Variants in PLB1 observed in about 807,000 individuals in gnomAD.
The protein encoded by PLB1 is phospholipase B1, membrane-associated.
Under a neutral mutation model 227.4 loss-of-function variants are expected in PLB1, and 242 were observed. The ratio of observed to expected loss-of-function variants is 1.06; its 90% CI spans 0.96 to 1.18. The LOEUF (loss-of-function observed/expected upper bound fraction) is 1.18. Among genes scored for constraint, PLB1 ranks in the 50% most tolerant of loss-of-function variants. PLB1 has a pLI of 0.00. For missense variants in PLB1, 1,858 were observed against 1,816.3 expected (o/e 1.02, Z -0.42); for synonymous variants, 757 against 682.2 (o/e 1.11, Z -1.71).
At chr2:28,516,764 T>C (rs201160805) in intron 1 of PLB1, 44 bp from the exon 2 acceptor site, 8 of 1,571,844 alleles carry the variant, frequency 5.1e-6, no homozygotes, top group South Asian at 1.1e-5. Flanking sequence ...TGGGTGGGAG[T>C]TAATTCCAGC....
rs1029715302 is a variant in PLB1 at position 28,585,769 on chromosome 2, G to T, written c.1742G>T (p.Cys581Phe). The change falls in exon 26 of 58, where the codon TGT becomes TTT. Residue 581 changes from cysteine to phenylalanine, a missense_variant. Transcript: ENST00000327757. ...YCPRMILRSL[C>F]PCVLKFDDNS... Reference sequence around the variant, plus strand: ...TTTGGTTTGGTCTACAGGTCTCTGTGTCCCTGTGTCCTGAAGTTTGATGAT... The same window carrying T: ...TTTGGTTTGGTCTACAGGTCTCTGTTTCCCTGTGTCCTGAAGTTTGATGAT... 1.2e-6 allele frequency: 2 copies of T among 1,606,974 alleles called. No individual in the cohort carries two copies. Among genetic ancestry groups the T allele is most frequent in the Admixed American group, 1.7e-5 (1 of 60,006 alleles).
At chr2:28,574,741 C>T (rs1004746155) in intron 21 of PLB1, among the ~76,000 whole-genome samples, 2 of 152,058 alleles carry the variant, frequency 1.3e-5, no homozygotes, top group African/African-American at 4.8e-5. Context: ...GCTTTGCTCT[C>T]CCACTTATAA....
chr2:28,505,340 A>G (rs1272346220), intron 1 of PLB1, among the ~76,000 whole-genome samples: 2 of 152,260 alleles, frequency 1.3e-5, no homozygotes, highest in African/African-American at 2.4e-5. Flanking sequence ...CTCAACAAGC[A>G]ATACATATGA....
intron 17 of PLB1, among the ~76,000 whole-genome samples, chr2:28,554,193 C>A (rs1674664353): frequency 6.6e-6 from 1 of 152,034 alleles, no homozygotes; most frequent in African/African-American, 2.4e-5. Context: ...AGAAATAAAT[C>A]ATCAGCTTCA....
intron 2 of PLB1, among the ~76,000 whole-genome samples, chr2:28,517,651 A>G (rs940352791): frequency 1.3e-5 from 2 of 152,232 alleles, no homozygotes; most frequent in Non-Finnish European, 2.9e-5. Context: ...AGCATGGAAT[A>G]TAAAATAAAT....
chr2:28,537,336 G>A (rs1156928477), intron 9 of PLB1, among the ~76,000 whole-genome samples: 1 of 152,158 alleles, frequency 6.6e-6, no homozygotes, highest in South Asian at 2.1e-4. Context: ...CAGCCAGTCT[G>A]CTGTTTGTTA....
At chr2:28,628,270 C>G (rs376961213) in intron 51 of PLB1, among the ~76,000 whole-genome samples, 1 of 152,140 alleles carries the variant, frequency 6.6e-6, no homozygotes. Flanking sequence ...TGCCGAGAGC[C>G]AAGGCCAAAA....
chr2:28,636,273 A>G (rs1343239820), intron 56 of PLB1, among the ~76,000 whole-genome samples: 3 of 152,126 alleles, frequency 2.0e-5, no homozygotes, highest in Admixed American at 2.0e-4. Flanking sequence ...TGGCCAGGCC[A>G]GGCTGGTCTT....
At chr2:28,537,719 T>A (rs1671886976) in intron 9 of PLB1, among the ~76,000 whole-genome samples, 1 of 150,798 alleles carries the variant, frequency 6.6e-6, no homozygotes, top group Non-Finnish European at 1.5e-5. Context: ...CTTCATTTGT[T>A]GATTTTCATG....
At chr2:28,638,138 T>C (rs1251138518) in intron 56 of PLB1, among the ~76,000 whole-genome samples, 2 of 151,496 alleles carry the variant, frequency 1.3e-5, no homozygotes, top group African/African-American at 4.9e-5. Flanking sequence ...ACATACAGGA[T>C]AGTAGGGAAA....
At chr2:28,597,969 C>G in intron 33 of PLB1, 36 bp from the exon 34 acceptor site, 1 of 1,592,122 alleles carries the variant, frequency 6.3e-7, no homozygotes, top group Non-Finnish European at 8.6e-7. Context: ...CAATATGTCT[C>G]TCCCTCTCAT....
intron 26 of PLB1, among the ~76,000 whole-genome samples, chr2:28,587,508 G>A (rs1174466610): frequency 1.3e-5 from 2 of 152,122 alleles, no homozygotes; most frequent in Non-Finnish European, 2.9e-5. Context: ...TACTCGGGAG[G>A]CTGAGGTGGG....
At chr2:28,570,810 A>T (rs1677886843) in intron 20 of PLB1, among the ~76,000 whole-genome samples, 1 of 152,146 alleles carries the variant, frequency 6.6e-6, no homozygotes, top group Non-Finnish European at 1.5e-5. Context: ...AAAAATACTG[A>T]ACAAATTAGG....
rs373967347 is a variant in PLB1 at position 28,629,060 on chromosome 2, G to A, written c.3727-34G>A. 23 of 1,589,090 alleles carry A rather than the reference G, an allele frequency of 1.4e-5. No homozygotes were observed. The African/African-American group carries it at 2.8e-4, about 20-fold the overall frequency. On this transcript the variant is annotated intron_variant, in intron 52 of 57. Transcript: ENST00000327757. Reference sequence around the variant, plus strand: ...CCCAGGTTCCTCCCAGCAGTAGCCAGTGCCCTAACGAAACCACCCTCCACT... The same window carrying A: ...CCCAGGTTCCTCCCAGCAGTAGCCAATGCCCTAACGAAACCACCCTCCACT...
chr2:28,626,403 A>C, intron 50 of PLB1, 25 bp from the exon 51 acceptor site: 277 of 1,607,482 alleles, frequency 1.7e-4, no homozygotes, highest in Non-Finnish European at 2.1e-4. Context: ...CCAAGGCCTA[A>C]ACTCAGGATC....
intron 19 of PLB1, 158 bp from the exon 20 acceptor site, chr2:28,566,638 T>G: frequency 2.8e-6 from 2 of 725,612 alleles, no homozygotes; most frequent in South Asian, 3.3e-5. Context: ...GTATTCTGGT[T>G]TGCTTTTTCC....
intron 5 of PLB1, 95 bp from the exon 6 acceptor site, chr2:28,525,810 A>G (rs760393064): frequency 6.1e-6 from 9 of 1,473,200 alleles, no homozygotes; most frequent in African/African-American, 2.8e-5. Flanking sequence ...GGCTAGGCCA[A>G]AGACTACTAT....
At chr2:28,543,516 G>A (rs1171849723) in intron 14 of PLB1, among the ~76,000 whole-genome samples, 1 of 152,248 alleles carries the variant, frequency 6.6e-6, no homozygotes, top group Non-Finnish European at 1.5e-5. Flanking sequence ...CCTCAGCCCT[G>A]GTTTCCCAGA....
intron 17 of PLB1, among the ~76,000 whole-genome samples, chr2:28,557,977 T>C (rs1675396553): frequency 6.6e-6 from 1 of 152,226 alleles, no homozygotes; most frequent in Admixed American, 6.5e-5. Context: ...TCTGGTTTAT[T>C]ACTGTATCTC....
Sources: allele counts gnomAD v4.1 joint callset (sites outside exome capture counted in the v4.1 genomes callset), GRCh38; gene constraint gnomAD v4.1.1; transcripts MANE v1.5; gene names NCBI Gene and HGNC (gene_info 2026-07-23, HGNC 2026-07-21).